Variants in PRDM1 observed in about 807,000 individuals in gnomAD.
PRDM1 encodes the protein PR domain zinc finger protein 1.
PRDM1 carries 13 observed loss-of-function variants against 62.8 expected under a neutral mutation model. The ratio of observed to expected loss-of-function variants is 0.21; its 90% CI spans 0.13 to 0.33. The LOEUF (loss-of-function observed/expected upper bound fraction) is 0.33, where lower values mean the gene tolerates loss of function less well. Ranked by LOEUF, PRDM1 falls within the 10% of genes least tolerant of loss-of-function variation. The probability of loss-of-function intolerance (pLI) is 1.00; values close to 1 mark genes in which losing one functional copy is unlikely to be tolerated. For missense variants in PRDM1, 895 were observed against 1,058.8 expected, an observed-to-expected ratio of 0.85 and a Z score of 2.15; for synonymous variants, 396 against 417.6, an observed-to-expected ratio of 0.95 and a Z score of 0.63.
chr6:106,035,506 G>A (rs563200620), intron 1 of PRDM1, among the ~76,000 whole-genome samples: 2 of 152,136 alleles, frequency 1.3e-5, no homozygotes, highest in Non-Finnish European at 2.9e-5. Context: ...GCACATGCCT[G>A]TAGCCACAGC....
intron 1 of PRDM1, among the ~76,000 whole-genome samples, chr6:106,071,108 T>TA (rs1200447240): frequency 1.1e-4 from 17 of 152,054 alleles, no homozygotes; most frequent in Non-Finnish European, 5.9e-5. Context: ...CTGTCTCTAC[T>TA]AAAAATACAA....
chr6:106,027,569 G>C (rs896424757), intron 1 of PRDM1, among the ~76,000 whole-genome samples: 3 of 151,900 alleles, frequency 2.0e-5, no homozygotes, highest in East Asian at 3.9e-4. Context: ...GTCTGCTCTA[G>C]CAGGGAGAGA....
At chr6:106,090,467 G>A (rs533265206) in intron 2 of PRDM1, among the ~76,000 whole-genome samples, 1 of 152,256 alleles carries the variant, frequency 6.6e-6, no homozygotes, top group Non-Finnish European at 1.5e-5. Flanking sequence ...GAGTAAACTT[G>A]AATGTAATAC....
intron 1 of PRDM1, among the ~76,000 whole-genome samples, chr6:106,054,891 TC>T (rs1324548923): frequency 6.6e-6 from 1 of 152,256 alleles, no homozygotes; most frequent in Non-Finnish European, 1.5e-5. Flanking sequence ...ATACTACTGA[TC>T]CTTTGACAGA....
Position 106,107,545 on chromosome 6 carries a change from T to A in PRDM1, c.*59T>A. 6.9e-7 allele frequency: 1 copy of A among 1,443,566 alleles called. No homozygotes were observed. Among genetic ancestry groups the A allele is most frequent in the South Asian group, 1.3e-5 (1 of 74,454 alleles). 89.4% of individuals were successfully genotyped at this position (1,443,566 alleles called of 1,614,324 possible). A position where few individuals can be genotyped will look rare whatever the true frequency, so the allele number is the denominator to read the frequency against. Reference sequence around the variant, plus strand: ...TTATGACTTGGTGAGTCAGGGTGCCTGTAGGAAGTGGCTTGTACATAATCC... The same window carrying A: ...TTATGACTTGGTGAGTCAGGGTGCCAGTAGGAAGTGGCTTGTACATAATCC... On this transcript the variant is annotated 3_prime_UTR_variant, in exon 7 of 7. Coordinates refer to ENST00000369096, the MANE Select transcript of PRDM1 (RefSeq NM_001198.4).
intron 1 of PRDM1, among the ~76,000 whole-genome samples, chr6:106,041,784 G>A (rs1232375455): frequency 6.6e-6 from 1 of 151,404 alleles, no homozygotes. Context: ...TAACATGGTG[G>A]CATCGTTCTT....
exon 1 of PRDM1, among the ~76,000 whole-genome samples, chr6:105,993,601 T>G (rs1319148399): frequency 6.6e-6 from 1 of 152,232 alleles, no homozygotes; most frequent in African/African-American, 2.4e-5. Context: ...TGCGCTGGTG[T>G]GCCGCTTAGG....
In PRDM1 at chr6:106,108,621, AACAC is replaced by A; in HGVS notation, c.*1139_*1142del. The A allele has an allele frequency of 4.3e-6, 1 of 232,972 alleles. No individual in the cohort carries two copies. The highest frequency in any genetic ancestry group is 8.5e-6 in the Non-Finnish European group (1 of 117,888). The allele number at this position is 232,972 out of a possible 1,614,324, so 14.4% of individuals were successfully genotyped here. On this transcript the variant is annotated 3_prime_UTR_variant, in exon 7 of 7. Transcript: ENST00000369096. ...AGGCTCAGGCCACACTTTAAAAACAAACACACAAACAACAAAAAACGGGTATTCT... is the reference window on the plus strand; with the variant it reads ...AGGCTCAGGCCACACTTTAAAAACAAACAAACAACAAAAAACGGGTATTCT...
At chr6:106,037,543 C>A (rs1772937676) in intron 1 of PRDM1, among the ~76,000 whole-genome samples, 1 of 152,088 alleles carries the variant, frequency 6.6e-6, no homozygotes, top group African/African-American at 2.4e-5. Flanking sequence ...CACTTTCCTT[C>A]CATCTTTTTT....
chr6:106,036,535 T>A (rs1252248202), intron 1 of PRDM1, among the ~76,000 whole-genome samples: 1 of 152,208 alleles, frequency 6.6e-6, no homozygotes. Context: ...TATAGCTCCA[T>A]CCTCACCTCT....
intron 1 of PRDM1, among the ~76,000 whole-genome samples, chr6:106,039,005 G>A (rs1205713293): frequency 6.6e-6 from 1 of 152,082 alleles, no homozygotes; most frequent in Non-Finnish European, 1.5e-5. Context: ...ATCTTATTTT[G>A]ATTTGAATAG....
At chr6:106,047,370 C>G (rs1263844569), upstream of PRDM1, among the ~76,000 whole-genome samples, 2 of 152,142 alleles carry the variant, frequency 1.3e-5, no homozygotes, top group African/African-American at 2.4e-5. Context: ...CATAGTACAC[C>G]TTAAAAATTG....
rs1442954848 is a variant in PRDM1 at position 106,106,546 on chromosome 6, T to A, written c.1902+47T>A. On this transcript the variant is annotated intron_variant, in intron 6 of 6. Coordinates refer to ENST00000369096, the MANE Select transcript of PRDM1 (RefSeq NM_001198.4). This position sits in a 1 kb window ranked among gnomAD's most constrained non-coding sequence, Gnocchi z 4.4. ...GACCTTCTGACCTTTGTAGAAAATG[T>A]CTGTGAGTCACCCTCCCATGTCCTA... The A allele has an allele frequency of 7.5e-6, 12 of 1,610,036 alleles. No homozygotes were observed. Among genetic ancestry groups the A allele is most frequent in the South Asian group, 1.1e-5 (1 of 90,894 alleles).
At chr6:106,052,480 C>G (rs1773192634) in intron 1 of PRDM1, among the ~76,000 whole-genome samples, 1 of 152,058 alleles carries the variant, frequency 6.6e-6, no homozygotes. Flanking sequence ...TAAAAAATAA[C>G]TATCAACTTG....
intron 1 of PRDM1, among the ~76,000 whole-genome samples, chr6:106,041,398 G>GA (rs1465449763): frequency 1.3e-5 from 2 of 152,104 alleles, no homozygotes; most frequent in African/African-American, 4.8e-5. Flanking sequence ...TAATGATTAA[G>GA]AAAAAAGCCA....
intron 1 of PRDM1, among the ~76,000 whole-genome samples, chr6:106,075,579 C>T (rs1582452245): frequency 6.6e-6 from 1 of 152,260 alleles, no homozygotes; most frequent in East Asian, 1.9e-4. Flanking sequence ...TGTTTGTTTT[C>T]CTGTAGGATC....
At chr6:106,035,803 A>T (rs891341541) in intron 1 of PRDM1, among the ~76,000 whole-genome samples, 2 of 151,768 alleles carry the variant, frequency 1.3e-5, no homozygotes, top group African/African-American at 4.8e-5. Context: ...GTCATGGGTC[A>T]TGTTTTCTAA....
intron 2 of PRDM1, among the ~76,000 whole-genome samples, chr6:106,092,000 G>A (rs936282758): frequency 6.6e-6 from 1 of 151,990 alleles, no homozygotes; most frequent in Admixed American, 6.6e-5. Context: ...AAAACAGATA[G>A]CTAGTAATTT....
At chr6:106,072,783 G>GA (rs1163543368) in intron 1 of PRDM1, among the ~76,000 whole-genome samples, 9 of 152,322 alleles carry the variant, frequency 5.9e-5, no homozygotes, top group African/African-American at 2.2e-4. Flanking sequence ...CTGTTCTCTG[G>GA]AAAGAGGATG....
Sources: gnomAD v4.1 joint callset for allele counts (sites outside exome capture counted in the v4.1 genomes callset) on GRCh38, gnomAD v4.1.1 for gene constraint, Gnocchi (gnomAD v3.1) non-coding constraint, MANE v1.5 for transcripts, NCBI Gene and HGNC (gene_info 2026-07-23, HGNC 2026-07-21) for gene names.